The following GCKR variants were observed in gnomAD, a reference collection of about 807,000 sequenced individuals.
GCKR encodes glucokinase regulatory protein.
A neutral mutation model predicts 82.9 loss-of-function variants in GCKR; 73 were observed. The ratio of observed to expected loss-of-function variants is 0.88; its 90% confidence interval spans 0.73 to 1.07. The LOEUF (loss-of-function observed/expected upper bound fraction) is 1.07. GCKR is among the 50% of genes least tolerant of loss of function. The probability of loss-of-function intolerance (pLI) is 0.00; values close to 1 mark genes in which losing one functional copy is unlikely to be tolerated. For synonymous variants in GCKR, 294 were observed against 291.8 expected (o/e 1.01, Z -0.08); for missense variants, 784 against 782.1 (o/e 1.00, Z -0.03).
At position 27,497,363 on chromosome 2, in the gene GCKR, C is replaced by A; in HGVS notation, c.180C>A (p.Ile60=). 6.2e-7 allele frequency: 1 copy of A among 1,614,226 alleles called. No homozygotes were observed. The highest frequency in any genetic ancestry group is 1.7e-5 in the Admixed American group (1 of 60,028). The change falls in exon 2 of 19, where the codon ATC becomes ATA. Residue 60 remains isoleucine, a synonymous_variant. Transcript: ENST00000264717. ...VRLLGQCDAE[I]FQEEGQALST... ...TGCTAGGGCAATGTGATGCTGAGAT[C>A]TTCCAGGAGGAGGGGCAAGCCCTGT...
intron 16 of GCKR, among the ~76,000 whole-genome samples, chr2:27,508,847 C>T (rs1669812598): frequency 6.6e-6 from 1 of 151,036 alleles, no homozygotes; most frequent in African/African-American, 2.4e-5. Flanking sequence ...AAGTCATCAT[C>T]ATTATCCAAA....
At chr2:27,508,522 T>G (rs1669805954) in intron 16 of GCKR, among the ~76,000 whole-genome samples, 1 of 152,028 alleles carries the variant, frequency 6.6e-6, no homozygotes, top group South Asian at 2.1e-4. Context: ...TTGGGACAGG[T>G]TAATTATTTT....
rs186138309 is a variant in GCKR at position 27,500,878 on chromosome 2, G to A, written c.550-257G>A. ...GAGAAGAGGATATTGACTTCAAAGA[G>A]TTTACGATTTTAGTTCAGTAGTATT... On this transcript the variant is annotated intron_variant, in intron 7 of 18. Coordinates refer to ENST00000264717, the MANE Select transcript of GCKR (RefSeq NM_001486.4). 1.3e-4 allele frequency among the ~76,000 whole-genome samples: 20 copies of A among 152,330 alleles called. No individual in the cohort carries two copies. The East Asian group carries it at 3.3e-3, about 25-fold the overall frequency.
chr2:27,499,336 C>T, intron 6 of GCKR, 61 bp from the exon 7 acceptor site: 3 of 1,416,414 alleles, frequency 2.1e-6, no homozygotes, highest in African/African-American at 1.4e-5. Context: ...TATCCTCACA[C>T]AGTAGATTTG....
intron 9 of GCKR, among the ~76,000 whole-genome samples, chr2:27,504,063 T>G (rs1669647377): frequency 6.6e-6 from 1 of 152,214 alleles, no homozygotes; most frequent in South Asian, 2.1e-4. Flanking sequence ...TGAAAGCTGT[T>G]TTCTCTTGTT....
At chr2:27,499,788 C>T (rs921982759) in intron 7 of GCKR, among the ~76,000 whole-genome samples, 23 of 152,136 alleles carry the variant, frequency 1.5e-4, no homozygotes, top group Non-Finnish European at 2.9e-5. Context: ...GATGGAGTCT[C>T]GCTCTGTCAC....
At chr2:27,520,928 T>C (rs1244128288) in intron 17 of GCKR, among the ~76,000 whole-genome samples, 1 of 152,084 alleles carries the variant, frequency 6.6e-6, no homozygotes, top group African/African-American at 2.4e-5. Context: ...CCTATAGTCC[T>C]GTCTACTAGG....
chr2:27,509,605 G>T (rs1391527642), intron 16 of GCKR: 1 of 409,934 alleles, frequency 2.4e-6, no homozygotes, highest in Non-Finnish European at 5.1e-6. Flanking sequence ...GCCTCCCAAA[G>T]TGCTGAGATT....
intron 16 of GCKR, among the ~76,000 whole-genome samples, chr2:27,516,359 C>A (rs768291159): frequency 3.1e-5 from 4 of 128,024 alleles, no homozygotes; most frequent in Non-Finnish European, 4.7e-5. Context: ...GGTATGATCT[C>A]GGCTCACTGC....
Position 27,499,468 on chromosome 2 carries a change from T to C in GCKR, c.549+18T>C, listed in dbSNP as rs373221901. The C allele has an allele frequency of 2.6e-4, 402 of 1,547,342 alleles. No individual in the cohort carries two copies. Among genetic ancestry groups the C allele is most frequent in the Non-Finnish European group, 3.2e-4 (361 of 1,119,334 alleles). On this transcript the variant is annotated intron_variant, in intron 7 of 18. Coordinates refer to ENST00000264717, the MANE Select transcript of GCKR (RefSeq NM_001486.4). ...GACTCTCTGTGAGTAAAAAGATGGG[T>C]TGAGTGGATCAATTTTAGAGAGAGG...
rs372143124 is a variant in GCKR, at chr2:27,498,249, C to T, written c.286-6C>T. 6.3e-5 allele frequency: 101 copies of T among 1,610,268 alleles called. No homozygotes were observed. The Middle Eastern group carries it at 1.8e-3, about 29-fold the overall frequency. The stretch of plus-strand genomic sequence containing the variant: ...CCTGGTAATATATGCCTCTTTCCTT[C>T]TTCAGGAGCCAGATGGGGGGCTGGT... On this transcript the variant is annotated splice_polypyrimidine_tract_variant and splice_region_variant and intron_variant, in intron 3 of 18. Coordinates refer to ENST00000264717, the MANE Select transcript of GCKR (RefSeq NM_001486.4).
chr2:27,505,589 C>T (rs1669706397), intron 9 of GCKR, 129 bp from the exon 10 acceptor site: 1 of 720,726 alleles, frequency 1.4e-6, no homozygotes, highest in Non-Finnish European at 2.6e-6. Flanking sequence ...AAGCCCACCC[C>T]AGCACCCTTC....
chr2:27,500,005 G>GT (rs1669537080), intron 7 of GCKR, among the ~76,000 whole-genome samples: 1 of 151,924 alleles, frequency 6.6e-6, no homozygotes, highest in South Asian at 2.1e-4. Flanking sequence ...TGCTCCACCT[G>GT]CCTCGCTCAG....
intron 17 of GCKR, among the ~76,000 whole-genome samples, chr2:27,521,062 TAAAA>T (rs1469458095): frequency 1.3e-5 from 2 of 150,932 alleles, no homozygotes; most frequent in South Asian, 4.2e-4. Flanking sequence ...AAATTAAAAT[TAAAA>T]AAAGCCACAA....
intron 2 of GCKR, 78 bp downstream of exon 2, chr2:27,497,477 C>T (rs1669442844): frequency 1.1e-5 from 17 of 1,581,484 alleles, no homozygotes; most frequent in Non-Finnish European, 1.4e-5. Context: ...CTCACCATGG[C>T]TCCTAATATC....
chr2:27,512,570 T>G (rs537412943), intron 16 of GCKR, among the ~76,000 whole-genome samples: 1 of 151,832 alleles, frequency 6.6e-6, no homozygotes, highest in South Asian at 2.1e-4. Context: ...TGGAGATGCC[T>G]GATATGTTAT....
intron 16 of GCKR, among the ~76,000 whole-genome samples, chr2:27,516,179 A>G (rs950392585): frequency 3.4e-5 from 5 of 146,252 alleles, no homozygotes; most frequent in African/African-American, 5.1e-5. Flanking sequence ...TGGACTTTCT[A>G]TTCTGTTCCA....
At position 27,503,423 on chromosome 2, in the gene GCKR, C is replaced by T. The variant is rs550020651; in HGVS notation, c.645-91C>T. 3.1e-5 allele frequency: 24 copies of T among 761,970 alleles called. No homozygotes were observed. In the South Asian group the frequency reaches 3.4e-4, roughly 11 times the overall value. The allele number at this position is 761,970 out of a possible 1,614,324, so 47.2% of individuals were successfully genotyped here. On this transcript the variant is annotated intron_variant, in intron 8 of 18. Transcript: ENST00000264717. ...AGTTGTTGACCTCTGACCTCAATCC[C>T]AATGCAGTCTTTGATCATGACTCCC...
In GCKR at chr2:27,499,209, G is replaced by T. The variant is rs755590397; in HGVS notation, c.495+1G>T. ...GCACGGGATTGAGGAACTGAAGAAG[G>T]TCTGTGCTTTTCACTGACATTGACC... On this transcript the variant is annotated splice_donor_variant, in intron 6 of 18. Coordinates refer to ENST00000264717, the MANE Select transcript of GCKR (RefSeq NM_001486.4). LOFTEE classifies it high-confidence loss of function. The T allele has an allele frequency of 2.5e-5, 40 of 1,604,526 alleles. No homozygotes were observed. The highest frequency in any genetic ancestry group is 3.2e-5 in the Non-Finnish European group (38 of 1,171,602).
Sources: gnomAD v4.1 joint callset for allele counts (sites outside exome capture counted in the v4.1 genomes callset) on GRCh38, gnomAD v4.1.1 for gene constraint, MANE v1.5 for transcripts, NCBI Gene and HGNC (gene_info 2026-07-23, HGNC 2026-07-21) for gene names.